Variants in DLGAP1 observed in about 807,000 individuals in gnomAD.
DLGAP1 encodes the protein disks large-associated protein 1.
Under a neutral mutation model 90.8 loss-of-function variants are expected in DLGAP1, and 11 were observed. The observed-to-expected ratio is 0.12, with a 90% confidence interval of 0.08 to 0.20. The LOEUF (loss-of-function observed/expected upper bound fraction) is 0.20. Among genes scored for constraint, DLGAP1 ranks in the 10% least tolerant of loss-of-function variants. The probability of loss-of-function intolerance (pLI) is 1.00; values close to 1 mark genes in which losing one functional copy is unlikely to be tolerated. For missense variants in DLGAP1, 1,050 were observed against 1,333.8 expected, an observed-to-expected ratio of 0.79 and a Z score of 3.31; for synonymous variants, 558 against 540.7, an observed-to-expected ratio of 1.03 and a Z score of -0.44.
chr18:4,288,797 G>T (rs779849270), intron 1 of DLGAP1, among the ~76,000 whole-genome samples: 1 of 152,110 alleles, frequency 6.6e-6, no homozygotes, highest in Non-Finnish European at 1.5e-5. Context: ...AAAATAAATT[G>T]GGAGGGCAGA....
At chr18:3,672,492 G>A (rs529811166) in intron 7 of DLGAP1, among the ~76,000 whole-genome samples, 1 of 143,416 alleles carries the variant, frequency 7.0e-6, no homozygotes, top group Admixed American at 7.5e-5. Context: ...CTGGAGAATC[G>A]CTTGAACCTG....
At chr18:4,441,685 CT>C (rs1193925830) in intron 1 of DLGAP1, among the ~76,000 whole-genome samples, 3 of 152,200 alleles carry the variant, frequency 2.0e-5, no homozygotes, top group Non-Finnish European at 4.4e-5. Flanking sequence ...AGAAGTGACA[CT>C]TCAAGAATTT....
At chr18:3,718,001 G>T (rs559730663) in intron 7 of DLGAP1, among the ~76,000 whole-genome samples, 96 of 152,308 alleles carry the variant, frequency 6.3e-4, no homozygotes, top group African/African-American at 2.2e-3. Flanking sequence ...TGGGCTTTTG[G>T]ATTGTGAGTT....
intron 2 of DLGAP1, among the ~76,000 whole-genome samples, chr18:4,106,669 C>T (rs117110929): frequency 2.4e-4 from 37 of 152,328 alleles, no homozygotes; most frequent in South Asian, 8.3e-4. Context: ...TCTTCTCAGA[C>T]CAAAACACAA....
chr18:4,099,638 C>G (rs1441698507), intron 2 of DLGAP1, among the ~76,000 whole-genome samples: 1 of 151,586 alleles, frequency 6.6e-6, no homozygotes, highest in Non-Finnish European at 1.5e-5. Flanking sequence ...TTGGTGGCTG[C>G]TGATGATCAG....
chr18:3,887,807 C>A (rs541519630), intron 3 of DLGAP1, among the ~76,000 whole-genome samples: 2 of 151,810 alleles, frequency 1.3e-5, no homozygotes, highest in African/African-American at 4.8e-5. Flanking sequence ...GGCACTTTTG[C>A]GTAAAAGTAA....
chr18:4,138,798 A>G (rs768511705), intron 2 of DLGAP1, among the ~76,000 whole-genome samples: 2 of 151,978 alleles, frequency 1.3e-5, no homozygotes, highest in Non-Finnish European at 2.9e-5. Flanking sequence ...AATTTTTATT[A>G]CAGCTTTGAT....
chr18:4,157,964 T>C (rs2076784285), intron 1 of DLGAP1, among the ~76,000 whole-genome samples: 1 of 152,146 alleles, frequency 6.6e-6, no homozygotes, highest in Non-Finnish European at 1.5e-5. Context: ...AATAATTCCC[T>C]GTATCAGCCA....
At chr18:4,448,378 T>G (rs985120448) in intron 1 of DLGAP1, among the ~76,000 whole-genome samples, 2 of 152,180 alleles carry the variant, frequency 1.3e-5, no homozygotes, top group Non-Finnish European at 2.9e-5. Flanking sequence ...ACCCAGGAGA[T>G]GTTACAAATA....
intron 2 of DLGAP1, among the ~76,000 whole-genome samples, chr18:4,012,994 C>T (rs191647890): frequency 6.6e-5 from 10 of 152,244 alleles, no homozygotes; most frequent in Admixed American, 5.9e-4. Context: ...TGTGAGCCAC[C>T]GGTCCCGGCC....
At chr18:3,584,965 C>T (rs1285469495) in intron 7 of DLGAP1, among the ~76,000 whole-genome samples, 2 of 152,234 alleles carry the variant, frequency 1.3e-5, no homozygotes, top group East Asian at 1.9e-4. Flanking sequence ...GTTGCCCAGG[C>T]TGGTCTTGAA....
chr18:4,016,873 T>C lies in DLGAP1; in HGVS notation c.-158-11672A>G, dbSNP rs186622683. On this transcript the variant is annotated intron_variant, in intron 2 of 12. Coordinates refer to ENST00000315677, the MANE Select transcript of DLGAP1 (RefSeq NM_004746.4). Reference sequence around the variant, plus strand: ...CTCTCAGTCTCAGTTTTCTCATACATAAAGTAGGGATAAAAGTCATATCCA... The same window carrying C: ...CTCTCAGTCTCAGTTTTCTCATACACAAAGTAGGGATAAAAGTCATATCCA... Among the ~76,000 whole-genome samples the C allele has an allele frequency of 3.3e-4, 50 of 152,268 alleles. 1 individual carries two copies. The East Asian group carries it at 9.5e-3, about 29-fold the overall frequency.
At chr18:3,685,513 G>A (rs1330260368) in intron 7 of DLGAP1, among the ~76,000 whole-genome samples, 9 of 137,776 alleles carry the variant, frequency 6.5e-5, no homozygotes, top group Non-Finnish European at 9.1e-5. Flanking sequence ...GCAGTGAGCC[G>A]AGATTGCGCC....
At chr18:4,255,253 C>A (rs4798206) in intron 1 of DLGAP1, among the ~76,000 whole-genome samples, 29,420 of 152,026 alleles carry the variant, frequency 0.19, 5,964 homozygotes, top group African/African-American at 0.52. Flanking sequence ...AAGGAAGCTG[C>A]CAAATGAATA....
intron 1 of DLGAP1, among the ~76,000 whole-genome samples, chr18:4,393,910 G>T (rs970593529): frequency 6.6e-6 from 1 of 152,070 alleles, no homozygotes; most frequent in African/African-American, 2.4e-5. Context: ...ATCTAATGCC[G>T]CTGCTGATCT....
chr18:4,082,203 G>A (rs537298645), intron 2 of DLGAP1, among the ~76,000 whole-genome samples: 3 of 151,822 alleles, frequency 2.0e-5, no homozygotes, highest in South Asian at 2.1e-4. Flanking sequence ...TTAGCTGGGC[G>A]TGGCAGTGTA....
At chr18:4,347,992 A>C (rs895069101) in intron 1 of DLGAP1, among the ~76,000 whole-genome samples, 6 of 152,138 alleles carry the variant, frequency 3.9e-5, no homozygotes, top group Non-Finnish European at 8.8e-5. Context: ...TTCATAAATT[A>C]AGATATTAAT....
Position 3,523,677 on chromosome 18 carries a change from C to T in DLGAP1, c.2479+10517G>A, listed in dbSNP as rs529991151. Among the ~76,000 whole-genome samples the T allele has an allele frequency of 1.4e-3, 207 of 152,094 alleles. 1 individual carries two copies. Among genetic ancestry groups the T allele is most frequent in the Admixed American group, 4.9e-3 (75 of 15,278 alleles). ...CCTGGCTAACACGGTGAAACCCCGT[C>T]TCTACTAAAAATACAAAAAATTAGC... On this transcript the variant is annotated intron_variant, in intron 10 of 12. Transcript: ENST00000315677.
intron 7 of DLGAP1, among the ~76,000 whole-genome samples, chr18:3,632,951 G>A (rs2058576974): frequency 6.6e-6 from 1 of 152,108 alleles, no homozygotes; most frequent in South Asian, 2.1e-4. Context: ...GATGGGGAGT[G>A]GATCATATGG....
Sources: gnomAD v4.1 joint callset for allele counts (sites outside exome capture counted in the v4.1 genomes callset) on GRCh38, gnomAD v4.1.1 for gene constraint, MANE v1.5 for transcripts, NCBI Gene and HGNC (gene_info 2026-07-23, HGNC 2026-07-21) for gene names.